The following SCFD1 variants were observed in gnomAD, a reference collection of about 807,000 sequenced individuals.
The protein encoded by SCFD1 is sec1 family domain-containing protein 1.
Under a neutral mutation model 103.2 loss-of-function variants are expected in SCFD1, and 37 were observed. The observed-to-expected ratio is 0.36, with a 90% confidence interval of 0.28 to 0.47. The LOEUF (loss-of-function observed/expected upper bound fraction) is 0.47. Ranked by LOEUF, SCFD1 falls within the 20% of genes least tolerant of loss-of-function variation. The pLI is 1.00. For missense variants in SCFD1, 639 were observed against 761.2 expected (o/e 0.84, Z 1.89); for synonymous variants, 264 against 245.0 (o/e 1.08, Z -0.73).
chr14:30,726,145 A>C (rs1298543380), intron 23 of SCFD1, among the ~76,000 whole-genome samples: 1 of 152,214 alleles, frequency 6.6e-6, no homozygotes, highest in Non-Finnish European at 1.5e-5. Context: ...GAAAAACAAG[A>C]AGATAAACAC....
At chr14:30,722,387 CA>C (rs1847738155) in intron 22 of SCFD1, 106 bp from the exon 23 acceptor site, 2 of 699,488 alleles carry the variant, frequency 2.9e-6, no homozygotes. Flanking sequence ...AAAATAGCAT[CA>C]GGGGCTTAGA....
At chr14:30,661,560 G>T (rs28440085) in intron 10 of SCFD1, among the ~76,000 whole-genome samples, 5,591 of 152,122 alleles carry the variant, frequency 0.037, 325 homozygotes, top group African/African-American at 0.12. Flanking sequence ...TTCTCATTGA[G>T]TTCCATAGTT....
chr14:30,642,446 G>A (rs1465423655), intron 6 of SCFD1, among the ~76,000 whole-genome samples: 1 of 152,142 alleles, frequency 6.6e-6, no homozygotes, highest in Non-Finnish European at 1.5e-5. Context: ...CTAAAGGAAA[G>A]GGATAAGAAT....
At chr14:30,633,484 G>A (rs1388481338) in intron 3 of SCFD1, among the ~76,000 whole-genome samples, 1 of 151,942 alleles carries the variant, frequency 6.6e-6, no homozygotes, top group Non-Finnish European at 1.5e-5. Flanking sequence ...TTTCATGTTT[G>A]GTTAAATTTT....
chr14:30,659,194 T>G (rs1339038696), intron 10 of SCFD1, among the ~76,000 whole-genome samples: 1 of 150,408 alleles, frequency 6.6e-6, no homozygotes, highest in Non-Finnish European at 1.5e-5. Context: ...TTTTTTTGCC[T>G]TATATTCTAG....
In SCFD1 at chr14:30,628,257, G is replaced by A; in HGVS notation, c.110G>A (p.Ser37Asn). 6.2e-7 allele frequency: 1 copy of A among 1,610,924 alleles called. No individual in the cohort carries two copies. The highest frequency in any genetic ancestry group is 1.7e-4 in the Middle Eastern group (1 of 6,050). Residue 37 changes from serine (S) to asparagine (N), a missense_variant, in exon 2 of 25, where the codon AGC becomes AAC. Coordinates refer to ENST00000458591, the MANE Select transcript of SCFD1 (RefSeq NM_016106.4). ...LNFNVPHIKN[S>N]TGEPVWKVLI... ...TTCAATGTGCCTCATATTAAAAACA[G>A]CACAGGAGAACCAGTATGGAAGGTA...
intron 23 of SCFD1, among the ~76,000 whole-genome samples, chr14:30,724,590 G>A (rs1262877997): frequency 5.9e-5 from 9 of 151,976 alleles, no homozygotes; most frequent in East Asian, 3.9e-4. Context: ...TTATAGATGC[G>A]GGATATTAGA....
rs1886305334 is a variant in SCFD1 at position 30,650,551 on chromosome 14, AT to A, written c.670-10del. On this transcript the variant is annotated splice_polypyrimidine_tract_variant and intron_variant, in intron 8 of 24. Transcript: ENST00000458591. The stretch of plus-strand genomic sequence containing the variant: ...TGAAACTGTTAAGAGTTAATCTAAA[AT>A]TTTATTTTTCAGAAACTAGACAAGA... 1.3e-6 allele frequency: 2 copies of A among 1,505,664 alleles called. No homozygotes were observed. The highest frequency in any genetic ancestry group is 9.2e-7 in the Non-Finnish European group (1 of 1,083,658). The allele number at this position is 1,505,664 out of a possible 1,614,324, so 93.3% of individuals were successfully genotyped here.
intron 23 of SCFD1, among the ~76,000 whole-genome samples, chr14:30,728,875 C>T (rs970558848): frequency 1.5e-5 from 2 of 135,024 alleles, no homozygotes; most frequent in Non-Finnish European, 1.5e-5. Flanking sequence ...GACGGAGTCT[C>T]GTTCTGTCAC....
At chr14:30,635,278 C>A (rs1201860004) in intron 4 of SCFD1, among the ~76,000 whole-genome samples, 46 of 152,150 alleles carry the variant, frequency 3.0e-4, no homozygotes, top group Admixed American at 2.9e-3. Context: ...ACATACCATA[C>A]AATTCACACA....
chr14:30,643,456 G>A (rs764454363), intron 7 of SCFD1, 51 bp downstream of exon 7: 1 of 1,267,468 alleles, frequency 7.9e-7, no homozygotes, highest in South Asian at 1.2e-5. Context: ...TATTTAACAA[G>A]TAATTTTAAT....
chr14:30,733,426 C>T (rs1337028474), intron 23 of SCFD1, among the ~76,000 whole-genome samples: 2 of 152,136 alleles, frequency 1.3e-5, no homozygotes, highest in Non-Finnish European at 2.9e-5. Context: ...AAAATTACAC[C>T]TACACTTCAT....
intron 23 of SCFD1, among the ~76,000 whole-genome samples, chr14:30,723,329 C>T (rs1257267966): frequency 6.6e-6 from 1 of 152,116 alleles, no homozygotes; most frequent in African/African-American, 2.4e-5. Context: ...ATCTTTGCAT[C>T]GTGAACCACC....
chr14:30,725,507 A>G (rs1892981715), intron 23 of SCFD1, among the ~76,000 whole-genome samples: 1 of 152,132 alleles, frequency 6.6e-6, no homozygotes, highest in Admixed American at 6.6e-5. Context: ...TTGTATAGGC[A>G]TGCTAGTGAT....
chr14:30,710,332 TAAAAAAAA>T (rs397853428), intron 19 of SCFD1, among the ~76,000 whole-genome samples: 2 of 82,046 alleles, frequency 2.4e-5, no homozygotes, highest in Admixed American at 1.5e-4. Flanking sequence ...GCCATGTCAT[TAAAAAAAA>T]AAAAAAAAAA....
At chr14:30,715,437 G>A (rs1892208884) in intron 19 of SCFD1, 1 of 152,512 alleles carries the variant, frequency 6.6e-6, no homozygotes, top group South Asian at 2.1e-4. Context: ...CGGGCGTGGT[G>A]GCAAGAGCCT....
intron 2 of SCFD1, among the ~76,000 whole-genome samples, chr14:30,629,577 A>T (rs229149): frequency 1.7e-3 from 225 of 135,556 alleles, no homozygotes; most frequent in African/African-American, 6.0e-3. Context: ...TAGGGACTTA[A>T]TTTTTTTTTT....
chr14:30,673,814 T>TA, intron 12 of SCFD1, 110 bp from the exon 13 acceptor site: 2 of 744,254 alleles, frequency 2.7e-6, no homozygotes, highest in Non-Finnish European at 4.7e-6. Flanking sequence ...TTAAAAATCT[T>TA]ACGGTATATC....
At chr14:30,631,425 G>A (rs1481193056) in intron 3 of SCFD1, among the ~76,000 whole-genome samples, 3 of 152,222 alleles carry the variant, frequency 2.0e-5, no homozygotes, top group East Asian at 3.9e-4. Flanking sequence ...ATTGACTGCA[G>A]TGCTGAAAGT....
Sources: allele counts gnomAD v4.1 joint callset (sites outside exome capture counted in the v4.1 genomes callset), GRCh38; gene constraint gnomAD v4.1.1; transcripts MANE v1.5; gene names NCBI Gene and HGNC (gene_info 2026-07-23, HGNC 2026-07-21).